Variants in FAT3 observed in about 807,000 individuals in gnomAD.
FAT3 encodes the protein protocadherin Fat 3.
A neutral mutation model predicts 310.2 loss-of-function variants in FAT3; 95 were observed. The observed-to-expected ratio is 0.31, with a 90% CI of 0.26 to 0.36. The LOEUF (loss-of-function observed/expected upper bound fraction) is 0.36, where lower values mean the gene tolerates loss of function less well. FAT3 is among the 10% of genes least tolerant of loss of function. The pLI, the probability that FAT3 is intolerant of heterozygous loss-of-function variation, is 1.00. For missense variants in FAT3, 5,408 were observed against 5,715.6 expected (o/e 0.95, Z 1.74); for synonymous variants, 2,314 against 2,192.9 (o/e 1.06, Z -1.54).
rs763847807 is a variant in FAT3, at chr11:92,840,692, A to G, written c.10499A>G (p.His3500Arg). 18 of 1,611,406 alleles carry G rather than the reference A, an allele frequency of 1.1e-5. No individual in the cohort carries two copies. The highest frequency in any genetic ancestry group is 3.3e-4 in the Middle Eastern group (2 of 6,056). Residue 3500 changes from histidine to arginine, a missense_variant, in exon 18 of 28, where the codon CAT (histidine) becomes CGT (arginine). This residue lies in a region of FAT3 where 4,588 missense variants were observed against 4,809.8 expected (regional missense o/e 0.95). Transcript: ENST00000525166. The stretch of plus-strand genomic sequence containing the variant: ...GAGGAGGAGTTTGTGTTGGACCCTC[A>G]TGGGATCTTGCGGTCGGCTGTGGTC... The part of the protein sequence containing the change: ...NEEEEFVLDP[H>R]GILRSAVVFQ...
At chr11:92,226,256 T>A (rs1224237320) in intron 1 of FAT3, among the ~76,000 whole-genome samples, 1 of 152,218 alleles carries the variant, frequency 6.6e-6, no homozygotes, top group Non-Finnish European at 1.5e-5. Flanking sequence ...AGCCCGGATA[T>A]TTTTAGCTGT....
At chr11:92,692,185 T>C (rs1943815029) in intron 3 of FAT3, among the ~76,000 whole-genome samples, 4 of 152,174 alleles carry the variant, frequency 2.6e-5, no homozygotes, top group Admixed American at 2.0e-4. Flanking sequence ...ACATTAAAGT[T>C]ATTCAAAGGA....
intron 6 of FAT3, among the ~76,000 whole-genome samples, chr11:92,770,589 T>G (rs1946432976): frequency 6.6e-6 from 1 of 152,204 alleles, no homozygotes; most frequent in Non-Finnish European, 1.5e-5. Context: ...CTCCGTGTTC[T>G]GGAAGCTGCT....
intron 2 of FAT3, among the ~76,000 whole-genome samples, chr11:92,486,487 G>A (rs76067891): frequency 0.014 from 2,134 of 151,844 alleles, 55 homozygotes; most frequent in African/African-American, 0.049. Flanking sequence ...ATTTCATTTC[G>A]TTCATTTATT....
chr11:92,268,546 C>T (rs1386263100), intron 1 of FAT3, among the ~76,000 whole-genome samples: 1 of 151,970 alleles, frequency 6.6e-6, no homozygotes, highest in Admixed American at 6.6e-5. Flanking sequence ...CCCCAACCTT[C>T]CCCATTCTTT....
chr11:92,541,873 G>A lies in FAT3; in HGVS notation c.3607+16925G>A, dbSNP rs147202730. On this transcript the variant is annotated intron_variant, in intron 3 of 27. Coordinates refer to ENST00000525166, the MANE Select transcript of FAT3 (RefSeq NM_001367949.2). ...GTCTTTGCTAATAGAAATCATAATA[G>A]TAATTGCAGTCATGATTATTATATG... Among the ~76,000 whole-genome samples, 1,169 of 152,198 alleles carry A rather than the reference G, an allele frequency of 7.7e-3. 11 individuals are homozygous for A. Among genetic ancestry groups the A allele is most frequent in the South Asian group, 0.015 (74 of 4,826 alleles).
intron 3 of FAT3, among the ~76,000 whole-genome samples, chr11:92,679,698 C>G (rs1943413207): frequency 6.6e-6 from 1 of 151,618 alleles, no homozygotes; most frequent in Non-Finnish European, 1.5e-5. Context: ...AAAAATTAGC[C>G]AGGCGTGGTG....
chr11:92,457,023 G>A lies in FAT3; in HGVS notation c.3293-67611G>A, dbSNP rs1951510425. On this transcript the variant is annotated intron_variant, in intron 2 of 27. Coordinates refer to ENST00000525166, the MANE Select transcript of FAT3 (RefSeq NM_001367949.2). ...GACACAGGCAAGGCAGTCCCAAGTG[G>A]TGAATCCAAGACTGGAGGGGAGACA... Among the ~76,000 whole-genome samples the A allele has an allele frequency of 2.6e-5, 4 of 152,252 alleles. No homozygotes were observed. In the South Asian group the frequency reaches 6.2e-4, roughly 24 times the overall value.
At chr11:92,648,533 C>T (rs1942247864) in intron 3 of FAT3, among the ~76,000 whole-genome samples, 1 of 152,140 alleles carries the variant, frequency 6.6e-6, no homozygotes, top group Admixed American at 6.5e-5. Flanking sequence ...GGCCTGCCTC[C>T]CTCAGAGCAG....
chr11:92,412,558 A>T (rs1348125274), intron 2 of FAT3, among the ~76,000 whole-genome samples: 2 of 146,560 alleles, frequency 1.4e-5, no homozygotes, highest in Admixed American at 6.9e-5. Flanking sequence ...TTGTCTGGAG[A>T]CTCCATAACT....
chr11:92,545,876 G>A (rs1954600976), intron 3 of FAT3, among the ~76,000 whole-genome samples: 1 of 152,138 alleles, frequency 6.6e-6, no homozygotes, highest in Middle Eastern at 3.2e-3. Context: ...TAGTTGCCTA[G>A]CAAATAACCT....
intron 4 of FAT3, among the ~76,000 whole-genome samples, chr11:92,746,774 A>G (rs1000095499): frequency 2.6e-5 from 4 of 152,224 alleles, no homozygotes. Flanking sequence ...TGGCCAAAAC[A>G]TAGGGGCTAC....
At chr11:92,771,459 G>A (rs1946453755) in intron 6 of FAT3, among the ~76,000 whole-genome samples, 2 of 152,058 alleles carry the variant, frequency 1.3e-5, no homozygotes, top group Non-Finnish European at 2.9e-5. Flanking sequence ...GTAAACTGCT[G>A]GTCTGGATTC....
At position 92,368,859 on chromosome 11, in the gene FAT3, CAT is replaced by C. The variant is rs201552753; in HGVS notation, c.3292+13465_3292+13466del. 3.9e-4 allele frequency among the ~76,000 whole-genome samples: 46 copies of C among 119,396 alleles called. 1 individual carries two copies. Among genetic ancestry groups the C allele is most frequent in the African/African-American group, 1.7e-3 (43 of 24,646 alleles). The allele number at this position is 119,396 out of a possible 152,430, so 78.3% of individuals were successfully genotyped here. A position where few individuals can be genotyped will look rare whatever the true frequency, so the allele number is the denominator to read the frequency against. ...ATATATATATATATACACACATACA[CAT>C]ATATATATACACACATATACACATA... On this transcript the variant is annotated intron_variant, in intron 2 of 27. Transcript: ENST00000525166.
At chr11:92,551,414 T>TTGTGTGTGTGTGTGTG (rs71473973) in intron 3 of FAT3, among the ~76,000 whole-genome samples, 2,567 of 128,906 alleles carry the variant, frequency 0.02, 53 homozygotes, top group Middle Eastern at 0.034. Flanking sequence ...TTTTTTTGTT[T>TTGTGTGTGTGTGTGTG]TGTGTGTGTG....
At chr11:92,333,547 T>G (rs1947973605) in intron 1 of FAT3, among the ~76,000 whole-genome samples, 1 of 152,194 alleles carries the variant, frequency 6.6e-6, no homozygotes, top group Non-Finnish European at 1.5e-5. Context: ...GTGTGTTTTC[T>G]CTCAGAATCC....
chr11:92,792,484 GT>G (rs1228936035), intron 8 of FAT3, among the ~76,000 whole-genome samples: 4 of 152,072 alleles, frequency 2.6e-5, no homozygotes, highest in Non-Finnish European at 5.9e-5. Context: ...ACAGTGCTGT[GT>G]TTGTGATATC....
At chr11:92,267,566 G>GAA (rs35737563) in intron 1 of FAT3, among the ~76,000 whole-genome samples, 10 of 145,778 alleles carry the variant, frequency 6.9e-5, no homozygotes, top group African/African-American at 2.6e-4. Context: ...TTGGAAGTAT[G>GAA]AAAAGAAAAA....
At chr11:92,793,638 G>A (rs1947092196) in intron 9 of FAT3, among the ~76,000 whole-genome samples, 1 of 152,176 alleles carries the variant, frequency 6.6e-6, no homozygotes, top group African/African-American at 2.4e-5. Context: ...TTATGACTGA[G>A]AGATGAATGG....
Sources: allele counts gnomAD v4.1 joint callset (sites outside exome capture counted in the v4.1 genomes callset), GRCh38; gene constraint gnomAD v4.1.1; regional missense constraint gnomAD v4.1.1; transcripts MANE v1.5; gene names NCBI Gene and HGNC (gene_info 2026-07-23, HGNC 2026-07-21).